Variants in MED27 observed in about 807,000 individuals in gnomAD.
MED27 encodes mediator complex subunit 27, also known as mediator of RNA polymerase II transcription subunit 27.
In MED27, 30 loss-of-function variants were observed where a neutral mutation model predicts 38.2. That is an observed-to-expected ratio of 0.79 (90% CI 0.59 to 1.07). The LOEUF is 1.07. Among genes scored for constraint, MED27 ranks in the 50% least tolerant of loss-of-function variants. The probability of loss-of-function intolerance (pLI) is 0.00; values close to 1 mark genes in which losing one functional copy is unlikely to be tolerated. For missense variants in MED27, 289 were observed against 397.5 expected (o/e 0.73, Z 2.32); for synonymous variants, 122 against 153.5 (o/e 0.79, Z 1.52).
At chr9:132,012,338 T>C (rs1055711967) in intron 3 of MED27, among the ~76,000 whole-genome samples, 6 of 152,158 alleles carry the variant, frequency 3.9e-5, no homozygotes, top group Admixed American at 1.3e-4. Context: ...TTCTGCCAAA[T>C]AGTCAAAACT....
intron 2 of MED27, among the ~76,000 whole-genome samples, chr9:132,022,731 A>G (rs1832742950): frequency 6.6e-6 from 1 of 152,326 alleles, no homozygotes; most frequent in East Asian, 1.9e-4. Flanking sequence ...GCAGTTCCAC[A>G]TGACTGGAGA....
chr9:131,970,096 G>A (rs1328845890), intron 3 of MED27, among the ~76,000 whole-genome samples: 2 of 152,216 alleles, frequency 1.3e-5, no homozygotes, highest in Non-Finnish European at 2.9e-5. Flanking sequence ...CTTGACAAGT[G>A]GGTCTGTGAA....
intron 2 of MED27, among the ~76,000 whole-genome samples, chr9:132,016,848 A>G (rs1832613760): frequency 6.6e-6 from 1 of 152,224 alleles, no homozygotes; most frequent in Non-Finnish European, 1.5e-5. Flanking sequence ...TGCTCAAACA[A>G]ACAAACAAAC....
At chr9:132,057,529 T>C (rs1196256266) in intron 2 of MED27, among the ~76,000 whole-genome samples, 1 of 152,230 alleles carries the variant, frequency 6.6e-6, no homozygotes, top group Non-Finnish European at 1.5e-5. Context: ...TTAAATATTC[T>C]CTTGCATCTG....
intron 2 of MED27, among the ~76,000 whole-genome samples, chr9:132,063,562 C>G (rs1833744543): frequency 6.6e-6 from 1 of 152,190 alleles, no homozygotes; most frequent in African/African-American, 2.4e-5. Flanking sequence ...TTGAGCTCAT[C>G]CAAGCAATTA....
At chr9:131,974,710 G>A (rs950790352) in intron 3 of MED27, among the ~76,000 whole-genome samples, 3 of 152,220 alleles carry the variant, frequency 2.0e-5, no homozygotes, top group Non-Finnish European at 4.4e-5. Context: ...ACACGGGAGA[G>A]AAGAATGTGG....
In MED27 at chr9:131,982,628, G is replaced by T. The variant is rs999653537; in HGVS notation, c.479+31709C>A. 2.6e-5 allele frequency among the ~76,000 whole-genome samples: 4 copies of T among 152,160 alleles called. No individual in the cohort carries two copies. The highest frequency in any genetic ancestry group is 3.2e-3 in the Middle Eastern group (1 of 316). ...TGGGAAAACAGCACACAAGTAACTT[G>T]GTCCACAGCTACTGATGGGGAGGTG... is the stretch of plus-strand genomic sequence containing the variant. On this transcript the variant is annotated intron_variant, in intron 3 of 7. Coordinates refer to ENST00000292035, the MANE Select transcript of MED27 (RefSeq NM_004269.4). The surrounding 1 kb of genome is among the most constrained non-coding windows in gnomAD (Gnocchi z 4.3).
intron 4 of MED27, among the ~76,000 whole-genome samples, chr9:131,934,478 T>G (rs1263191516): frequency 6.6e-6 from 1 of 151,684 alleles, no homozygotes; most frequent in Non-Finnish European, 1.5e-5. Flanking sequence ...AGGCAAAAGA[T>G]CCGAATAGAT....
chr9:131,951,591 G>GTAA (rs1830998056), intron 3 of MED27, among the ~76,000 whole-genome samples: 1 of 152,208 alleles, frequency 6.6e-6, no homozygotes, highest in Non-Finnish European at 1.5e-5. Flanking sequence ...ACCTCTCTAA[G>GTAA]CTTTGGCATC....
intron 6 of MED27, among the ~76,000 whole-genome samples, chr9:131,870,876 C>A (rs1564261451): frequency 1.3e-5 from 2 of 152,236 alleles, no homozygotes; most frequent in African/African-American, 4.8e-5. Context: ...AACGGTCTGA[C>A]AGAGACACCG....
In MED27 at chr9:131,882,226, A is replaced by G. The variant is rs545815267; in HGVS notation, c.723+1832T>C. Among the ~76,000 whole-genome samples the G allele has an allele frequency of 5.3e-5, 8 of 152,172 alleles. No individual in the cohort carries two copies. The Middle Eastern group carries it at 0.017, about 323-fold the overall frequency. On this transcript the variant is annotated intron_variant, in intron 6 of 7. Transcript: ENST00000292035. ...TGTCCTCTGCCTAGCCCTTATCACC[A>G]AAAAGGGGCCCAGGGGGCACTGTGG...
chr9:131,870,267 C>A (rs1838807142), intron 6 of MED27, among the ~76,000 whole-genome samples: 1 of 152,230 alleles, frequency 6.6e-6, no homozygotes, highest in East Asian at 1.9e-4. Context: ...GGGTGTGTGG[C>A]TCCTCCAACA....
intron 3 of MED27, among the ~76,000 whole-genome samples, chr9:131,999,163 T>A (rs1832164409): frequency 6.6e-6 from 1 of 152,120 alleles, no homozygotes; most frequent in Admixed American, 6.5e-5. Context: ...AAGAAAGAGT[T>A]CCATTCCTTT....
intron 3 of MED27, among the ~76,000 whole-genome samples, chr9:132,000,660 C>G (rs967755590): frequency 5.9e-5 from 9 of 151,562 alleles, no homozygotes; most frequent in Admixed American, 5.9e-4. Context: ...TACTATACAG[C>G]AATAATAAGA....
chr9:132,050,963 A>G (rs935101376), intron 2 of MED27, among the ~76,000 whole-genome samples: 1 of 152,214 alleles, frequency 6.6e-6, no homozygotes, highest in African/African-American at 2.4e-5. Flanking sequence ...AAAAGACTCA[A>G]TGATGGCCTT....
chr9:131,930,793 A>G (rs532382041), intron 4 of MED27, among the ~76,000 whole-genome samples: 5 of 152,366 alleles, frequency 3.3e-5, no homozygotes, highest in Admixed American at 2.6e-4. Flanking sequence ...ATCAAAAATA[A>G]TAACTTTTCA....
At chr9:132,030,169 C>T (rs1272591572) in intron 2 of MED27, among the ~76,000 whole-genome samples, 2 of 152,236 alleles carry the variant, frequency 1.3e-5, no homozygotes, top group Non-Finnish European at 2.9e-5. Flanking sequence ...GCCCCCTCTT[C>T]AGGGGAGTGT....
At chr9:131,892,709 C>A (rs1839248993) in intron 5 of MED27, among the ~76,000 whole-genome samples, 1 of 152,200 alleles carries the variant, frequency 6.6e-6, no homozygotes. Flanking sequence ...CTCAGTGCTG[C>A]CTCTCCTGCT....
chr9:131,869,193 C>T, intron 6 of MED27: 11 of 985,424 alleles, frequency 1.1e-5, no homozygotes, highest in Non-Finnish European at 1.3e-5. Flanking sequence ...CCATGTTTTC[C>T]CTCCTGTCCT....
Sources: gnomAD v4.1 joint callset for allele counts (sites outside exome capture counted in the v4.1 genomes callset) on GRCh38, gnomAD v4.1.1 for gene constraint, Gnocchi (gnomAD v3.1) non-coding constraint, MANE v1.5 for transcripts, NCBI Gene and HGNC (gene_info 2026-07-23, HGNC 2026-07-21) for gene names.